The following NAV2 variants were observed in gnomAD, a reference collection of about 807,000 sequenced individuals.
The protein encoded by NAV2 is helicase, APC down-regulated 1.
A neutral mutation model predicts 223.2 loss-of-function variants in NAV2; 54 were observed. The ratio of observed to expected loss-of-function variants is 0.24; its 90% CI spans 0.19 to 0.30. NAV2 has a LOEUF of 0.30. NAV2 is among the 10% of genes least tolerant of loss of function. The probability of loss-of-function intolerance (pLI) is 1.00; values close to 1 mark genes in which losing one functional copy is unlikely to be tolerated. For synonymous variants in NAV2, 1,279 were observed against 1,239.3 expected, an observed-to-expected ratio of 1.03 and a Z score of -0.67; for missense variants, 2,806 against 3,147.5, an observed-to-expected ratio of 0.89 and a Z score of 2.60.
intron 1 of NAV2, among the ~76,000 whole-genome samples, chr11:19,820,036 G>A (rs948518030): frequency 6.6e-6 from 1 of 152,356 alleles, no homozygotes. Flanking sequence ...GGCTGGATGA[G>A]GACAGCTGAC....
At chr11:20,103,133 C>T (rs1329043645) in intron 32 of NAV2, 122 bp from the exon 33 acceptor site, 12 of 905,044 alleles carry the variant, frequency 1.3e-5, no homozygotes, top group African/African-American at 3.3e-5. Context: ...GTGTTTACAG[C>T]GCAGAATCAT....
At chr11:19,804,994 G>A (rs2058473468) in intron 1 of NAV2, among the ~76,000 whole-genome samples, 1 of 152,176 alleles carries the variant, frequency 6.6e-6, no homozygotes, top group Non-Finnish European at 1.5e-5. Flanking sequence ...AAAGGGAGGA[G>A]TGGGAAATCA....
intron 1 of NAV2, among the ~76,000 whole-genome samples, chr11:19,353,434 A>G (rs1402515525): frequency 6.6e-6 from 1 of 152,166 alleles, no homozygotes; most frequent in African/African-American, 2.4e-5. Context: ...CTGCAGTGAA[A>G]AGCGTCATGG....
rs190770901 is a variant in NAV2 at position 19,412,333 on chromosome 11, A to G, written c.75+61306A>G. On this transcript the variant is annotated intron_variant, in intron 1 of 37. Transcript: ENST00000360655. ...AAGTTCGAACTGGGTGGAGCCCACC[A>G]CAGCTCAAAAAGCTGCTGTAGCCAG... 2.1e-3 allele frequency among the ~76,000 whole-genome samples: 325 copies of G among 152,294 alleles called. 3 individuals are homozygous for G. The highest frequency in any genetic ancestry group is 5.8e-3 in the African/African-American group (242 of 41,562).
chr11:19,498,521 G>A (rs2042869077), intron 1 of NAV2, among the ~76,000 whole-genome samples: 1 of 152,214 alleles, frequency 6.6e-6, no homozygotes, highest in South Asian at 2.1e-4. Context: ...AGGTATTCAA[G>A]AAATGTTTTC....
In NAV2 at chr11:19,984,066, A is replaced by T. The variant is rs577265029; in HGVS notation, c.2646-59A>T. On this transcript the variant is annotated intron_variant, in intron 10 of 37. Transcript: ENST00000349880. ...TGTACAGGCTTCTGGATATGAATGC[A>T]AGCCTGGAAGCCACTTGCTTTGGAC... 3.2e-5 allele frequency: 52 copies of T among 1,611,320 alleles called. No individual in the cohort carries two copies. In the South Asian group the frequency reaches 5.3e-4, roughly 16 times the overall value.
chr11:19,646,602 T>C (rs549385808), intron 1 of NAV2, among the ~76,000 whole-genome samples: 1 of 152,150 alleles, frequency 6.6e-6, no homozygotes, highest in Non-Finnish European at 1.5e-5. Context: ...GTACAGGATC[T>C]GGGGAGCTTC....
intron 11 of NAV2, among the ~76,000 whole-genome samples, chr11:20,017,754 A>T (rs953264180): frequency 1.3e-5 from 2 of 152,184 alleles, no homozygotes; most frequent in Non-Finnish European, 2.9e-5. Flanking sequence ...TAAACTCCCT[A>T]GTATTAACTG....
chr11:19,809,094 A>G (rs2058727252), intron 1 of NAV2, among the ~76,000 whole-genome samples: 1 of 152,234 alleles, frequency 6.6e-6, no homozygotes. Context: ...GAATGGATCA[A>G]AGCAAAACCT....
chr11:19,738,795 G>A (rs2052551790), intron 1 of NAV2, among the ~76,000 whole-genome samples: 1 of 152,168 alleles, frequency 6.6e-6, no homozygotes, highest in South Asian at 2.1e-4. Flanking sequence ...ATGTGTGACT[G>A]TCTGTCCAAG....
intron 1 of NAV2, among the ~76,000 whole-genome samples, chr11:19,718,017 C>A (rs1291282524): frequency 6.6e-6 from 1 of 152,188 alleles, no homozygotes; most frequent in East Asian, 1.9e-4. Context: ...TACCTTGAGT[C>A]TCTCCCATAA....
intron 1 of NAV2, among the ~76,000 whole-genome samples, chr11:19,614,211 C>A (rs1428000856): frequency 6.6e-6 from 1 of 152,094 alleles, no homozygotes; most frequent in African/African-American, 2.4e-5. Context: ...CAAATAAAAT[C>A]TGGTGGGGGT....
At chr11:19,832,424 T>C (rs2059996313) in intron 1 of NAV2, 60 bp from the exon 2 acceptor site, 1 of 1,371,078 alleles carries the variant, frequency 7.3e-7, no homozygotes, top group Non-Finnish European at 1.0e-6. Context: ...AGCAGCTGCC[T>C]CAGACTCTGA....
chr11:20,095,645 C>T (rs2061203513), intron 29 of NAV2, 27 bp from the exon 30 acceptor site: 2 of 1,527,058 alleles, frequency 1.3e-6, no homozygotes, highest in Non-Finnish European at 1.8e-6. Flanking sequence ...ACCTGTTTTT[C>T]ACCTGTGTAC....
chr11:20,043,476 C>T (rs1308747060), intron 12 of NAV2, among the ~76,000 whole-genome samples: 3 of 152,248 alleles, frequency 2.0e-5, no homozygotes, highest in Admixed American at 6.5e-5. Context: ...GAGACAGTCT[C>T]GCCCTGTCAT....
chr11:19,628,903 C>T (rs1030540880), intron 1 of NAV2, among the ~76,000 whole-genome samples: 2 of 152,182 alleles, frequency 1.3e-5, no homozygotes, highest in Non-Finnish European at 2.9e-5. Context: ...CTCCCCGGTA[C>T]TCCCATGGAG....
At chr11:19,425,865 T>C (rs1272019267) in intron 1 of NAV2, among the ~76,000 whole-genome samples, 2 of 152,182 alleles carry the variant, frequency 1.3e-5, no homozygotes, top group Admixed American at 1.3e-4. Context: ...CCAAGGCTCT[T>C]TATTATTGAT....
At chr11:19,722,986 G>T (rs1385687276) in intron 1 of NAV2, among the ~76,000 whole-genome samples, 1 of 152,234 alleles carries the variant, frequency 6.6e-6, no homozygotes, top group African/African-American at 2.4e-5. Context: ...TGCGATGGAA[G>T]AAGAGCTGTG....
chr11:19,670,185 T>C (rs2048540398), intron 1 of NAV2, among the ~76,000 whole-genome samples: 1 of 152,174 alleles, frequency 6.6e-6, no homozygotes, highest in East Asian at 1.9e-4. Flanking sequence ...TGCATACTCC[T>C]TGCCACTCAC....
Sources: gnomAD v4.1 joint callset for allele counts (sites outside exome capture counted in the v4.1 genomes callset) on GRCh38, gnomAD v4.1.1 for gene constraint, MANE v1.5 for transcripts, NCBI Gene and HGNC (gene_info 2026-07-23, HGNC 2026-07-21) for gene names.